Variants in TIMELESS observed in about 807,000 individuals in gnomAD.
TIMELESS encodes the protein timeless circadian regulator.
TIMELESS carries 124 observed loss-of-function variants against 164.3 expected under a neutral mutation model. That is an observed-to-expected ratio of 0.75 (90% confidence interval 0.65 to 0.88). The LOEUF (loss-of-function observed/expected upper bound fraction) is 0.88, where lower values mean the gene tolerates loss of function less well. Among genes scored for constraint, TIMELESS ranks in the 40% least tolerant of loss-of-function variants. TIMELESS has a pLI of 0.00. For synonymous variants in TIMELESS, 564 were observed against 563.4 expected (o/e 1.00, Z -0.02); for missense variants, 1,422 against 1,491.4 (o/e 0.95, Z 0.77).
At chr12:56,441,069 C>G (rs570391925) in intron 1 of TIMELESS, among the ~76,000 whole-genome samples, 1 of 151,988 alleles carries the variant, frequency 6.6e-6, no homozygotes, top group African/African-American at 2.4e-5. Context: ...CCACCCACCT[C>G]GGCCTCCCAA....
At position 56,423,288 on chromosome 12, in the gene TIMELESS, C is replaced by A; in HGVS notation, c.2278G>T (p.Ala760Ser). ...TATCCCCTCACTTTGTAGGCTCCAG[C>A]AGCAGGGTCACTAAGCAGACGATTG... ...LFNRLLSDPA[A>S]GAYKELVTFA... is the part of the protein sequence containing the mutation. Residue 760 changes from alanine (A) to serine (S), a missense_variant, in exon 18 of 29, where the codon GCT (alanine) becomes TCT (serine). By Grantham distance (99) the Ala-to-Ser change is moderately conservative. Coordinates refer to ENST00000553532, the MANE Select transcript of TIMELESS (RefSeq NM_003920.5). The A allele has an allele frequency of 8.1e-6, 13 of 1,614,114 alleles. 1 individual carries two copies. The highest frequency in any genetic ancestry group is 1.1e-5 in the Non-Finnish European group (13 of 1,180,024).
Position 56,428,358 on chromosome 12 carries a change from A to G in TIMELESS, c.1456T>C (p.Phe486Leu). ...TGGCATCTCTCATCAAACTTTCGAA[A>G]AAGTGCCAGGAATAGTTCTCGGTAC... ...MEYRELFLAL[F>L]RKFDERCQPR... Residue 486 changes from phenylalanine to leucine, a missense_variant, in exon 13 of 29, where the codon TTT (phenylalanine) becomes CTT (leucine). Transcript: ENST00000553532. The G allele has an allele frequency of 1.1e-5, 17 of 1,613,226 alleles. No individual in the cohort carries two copies. The highest frequency in any genetic ancestry group is 1.4e-5 in the Non-Finnish European group (17 of 1,179,300).
In TIMELESS at chr12:56,431,550, C is replaced by T. The variant is rs1881882757; in HGVS notation, c.742G>A (p.Ala248Thr). 6.2e-7 allele frequency: 1 copy of T among 1,613,900 alleles called. No homozygotes were observed. Among genetic ancestry groups the T allele is most frequent in the Non-Finnish European group, 8.5e-7 (1 of 1,179,988 alleles). The change falls in exon 8 of 29, where the codon GCA (alanine) becomes ACA (threonine). Residue 248 changes from alanine to threonine, a missense_variant. Physicochemically the swap from Ala to Thr is moderately conservative, Grantham distance 58. Transcript: ENST00000553532. ...GQGRLAQERS[A>T]DFAELEVLRQ... ...AACACCTCCAGTTCTGCAAAATCTG[C>T]ACTCCGCTCCTGAGCTAAGCGTCCC... is the stretch of plus-strand genomic sequence containing the variant.
chr12:56,427,126 T>G (rs1318938694), intron 13 of TIMELESS, among the ~76,000 whole-genome samples: 1 of 151,308 alleles, frequency 6.6e-6, no homozygotes, highest in Non-Finnish European at 1.5e-5. Context: ...TGGTGAATTG[T>G]TTTTGTTTTT....
chr12:56,443,418 G>A (rs1410142987), intron 1 of TIMELESS, among the ~76,000 whole-genome samples: 1 of 152,192 alleles, frequency 6.6e-6, no homozygotes, highest in Non-Finnish European at 1.5e-5. Context: ...CCAGCCTGGT[G>A]AATTCTAGTC....
intron 13 of TIMELESS, among the ~76,000 whole-genome samples, chr12:56,426,777 C>T (rs936411429): frequency 6.6e-6 from 1 of 152,046 alleles, no homozygotes; most frequent in Non-Finnish European, 1.5e-5. Context: ...CCAGGCTGGT[C>T]GTGAACTCCT....
In TIMELESS at chr12:56,430,207, C is replaced by T. The variant is rs760483446; in HGVS notation, c.984G>A (p.Leu328=). 4 of 1,614,102 alleles carry T rather than the reference C, an allele frequency of 2.5e-6. No homozygotes were observed. The East Asian group carries it at 6.7e-5, about 27-fold the overall frequency. Residue 328 remains leucine (L), a synonymous_variant, in exon 10 of 29, where the codon CTG becomes CTA. Transcript: ENST00000553532. ...TGAGGGCAGAACGGCGCTGAATGGA[C>T]AGCTCTCGGGCGGCCTGGCGACGTT... ...VPKRRQAARE[L]SIQRRSALNV...
Position 56,422,999 on chromosome 12 carries a change from GAGA to G in TIMELESS, c.2293-10_2293-8del. 2.5e-6 allele frequency: 4 copies of G among 1,612,320 alleles called. No homozygotes were observed. Among genetic ancestry groups the G allele is most frequent in the Non-Finnish European group, 3.4e-6 (4 of 1,179,196 alleles). On this transcript the variant is annotated splice_region_variant and splice_polypyrimidine_tract_variant and intron_variant, in intron 18 of 28. Transcript: ENST00000553532. ...TGGCAAAAGTCACTAGCTCCTGTAGGAGAAGGAGGTTACTATGAGGCCTCTCTG... is the reference window on the plus strand; with the variant it reads ...TGGCAAAAGTCACTAGCTCCTGTAGGAGGAGGTTACTATGAGGCCTCTCTG...
intron 13 of TIMELESS, 57 bp downstream of exon 13, chr12:56,428,179 C>T: frequency 6.8e-7 from 1 of 1,470,130 alleles, no homozygotes; most frequent in South Asian, 1.4e-5. Flanking sequence ...GAAGAAAGAG[C>T]CCCCCTTCCT....
At position 56,418,999 on chromosome 12, in the gene TIMELESS, T is replaced by TA. The variant is rs138262748; in HGVS notation, c.3229-641_3229-640insT. Reference sequence around the variant, plus strand: ...ACAAATGTACTGTAGTATCACAGGATTTTTTTTTTTTTCTTTTTGAGGCAG... The same window carrying TA: ...ACAAATGTACTGTAGTATCACAGGATATTTTTTTTTTTTCTTTTTGAGGCAG... On this transcript the variant is annotated intron_variant, in intron 26 of 28. Coordinates refer to ENST00000553532, the MANE Select transcript of TIMELESS (RefSeq NM_003920.5). 1.0e-4 allele frequency among the ~76,000 whole-genome samples: 6 copies of TA among 59,222 alleles called. No homozygotes were observed. In the East Asian group the frequency reaches 7.2e-3, roughly 72 times the overall value. 38.9% of individuals were successfully genotyped at this position (59,222 alleles called of 152,430 possible). A position where few individuals can be genotyped will look rare whatever the true frequency, so the allele number is the denominator to read the frequency against.
intron 11 of TIMELESS, 25 bp downstream of exon 11, chr12:56,428,858 T>C (rs1221645267): frequency 6.2e-6 from 10 of 1,609,104 alleles, no homozygotes; most frequent in Non-Finnish European, 8.5e-6. Flanking sequence ...TAGCTCACTG[T>C]ATCTCCAGTA....
rs1251047857 is a variant in TIMELESS, at chr12:56,418,137, C to T, written c.3451G>A (p.Glu1151Lys). ...HKKKAGLASP[E>K]EEDAVGKEPL... Reference sequence around the variant, plus strand: ...AAGATGGCTGTCGCACTATTACCCTCTGGGGATGCCAGGCCCGCTTTCTTC... The same window carrying T: ...AAGATGGCTGTCGCACTATTACCCTTTGGGGATGCCAGGCCCGCTTTCTTC... The change falls in exon 27 of 29, where the codon GAG (glutamate) becomes AAG (lysine). Residue 1151 changes from glutamate (E) to lysine (K), a missense_variant. Glu to Lys is a moderately conservative substitution (Grantham distance 56). Coordinates refer to ENST00000553532, the MANE Select transcript of TIMELESS (RefSeq NM_003920.5). 1.2e-6 allele frequency: 2 copies of T among 1,614,198 alleles called. No individual in the cohort carries two copies. The highest frequency in any genetic ancestry group is 3.3e-5 in the Admixed American group (2 of 60,022).
At chr12:56,422,780 T>C in intron 19 of TIMELESS, 67 bp downstream of exon 19, 1 of 1,511,774 alleles carries the variant, frequency 6.6e-7, no homozygotes, top group Non-Finnish European at 9.0e-7. Context: ...TTAACAGCTT[T>C]GACATTCTGT....
In TIMELESS at chr12:56,428,567, T is replaced by C. The variant is rs144608759; in HGVS notation, c.1390A>G (p.Ser464Gly). 7.4e-6 allele frequency: 12 copies of C among 1,613,820 alleles called. No individual in the cohort carries two copies. The highest frequency in any genetic ancestry group is 2.7e-5 in the African/African-American group (2 of 74,876). The change falls in exon 12 of 29, where the codon AGC becomes GGC. Residue 464 changes from serine (S) to glycine (G), a missense_variant. Physicochemically the swap from Ser to Gly is moderately conservative, Grantham distance 56. Transcript: ENST00000553532. ...GCCTCACTCTTGATGATGCGGCTGC[T>C]CTCCCTCACAGCCTCATCTGGAGAT... is the stretch of plus-strand genomic sequence containing the variant. ...DISPDEAVRE[S>G]SRIIKNNIFY...
rs770792037 is a variant in TIMELESS, at chr12:56,430,208, A to G, written c.983T>C (p.Leu328Pro). The change falls in exon 10 of 29, where the codon CTG (leucine) becomes CCG (proline). Residue 328 changes from leucine (L) to proline (P), a missense_variant. By Grantham distance (98) the Leu-to-Pro change is moderately conservative (BLOSUM62 -3). Transcript: ENST00000553532. ...VPKRRQAARE[L>P]SIQRRSALNV... ...GAGGGCAGAACGGCGCTGAATGGAC[A>G]GCTCTCGGGCGGCCTGGCGACGTTT... 1.2e-6 allele frequency: 2 copies of G among 1,613,968 alleles called. No individual in the cohort carries two copies. Among genetic ancestry groups the G allele is most frequent in the Non-Finnish European group, 1.7e-6 (2 of 1,180,012 alleles).
intron 1 of TIMELESS, among the ~76,000 whole-genome samples, chr12:56,439,420 G>A (rs932228591): frequency 1.3e-5 from 2 of 149,528 alleles, no homozygotes; most frequent in African/African-American, 4.9e-5. Context: ...TTGAGACAGG[G>A]TCTCACTCTG....
At chr12:56,443,289 C>T (rs1868302366) in intron 1 of TIMELESS, among the ~76,000 whole-genome samples, 1 of 152,164 alleles carries the variant, frequency 6.6e-6, no homozygotes, top group Non-Finnish European at 1.5e-5. Context: ...GGAATGCATT[C>T]CCAGGGGTAG....
At chr12:56,432,649 A>C in intron 6 of TIMELESS, 125 bp from the exon 7 acceptor site, 3 of 1,365,330 alleles carry the variant, frequency 2.2e-6, no homozygotes, top group Non-Finnish European at 3.0e-6. Context: ...AGAATAGCCC[A>C]AAAAGGGCAG....
chr12:56,439,533 C>T (rs181581698), intron 1 of TIMELESS, among the ~76,000 whole-genome samples: 21 of 152,100 alleles, frequency 1.4e-4, no homozygotes, highest in Admixed American at 5.2e-4. Flanking sequence ...CAGCTGGGAC[C>T]ACAGGCATTC....
Sources: gnomAD v4.1 joint callset for allele counts (sites outside exome capture counted in the v4.1 genomes callset) on GRCh38, gnomAD v4.1.1 for gene constraint, MANE v1.5 for transcripts, NCBI Gene and HGNC (gene_info 2026-07-23, HGNC 2026-07-21) for gene names.